ANXA10: variants seen among roughly 807,000 people sequenced by gnomAD.
The protein encoded by ANXA10 is annexin A10.
ANXA10 carries 49 observed loss-of-function variants against 53.5 expected under a neutral mutation model. That is an observed-to-expected ratio of 0.92 (90% CI 0.73 to 1.16). The LOEUF (loss-of-function observed/expected upper bound fraction) is 1.16, where lower values mean the gene tolerates loss of function less well. ANXA10 is among the 50% of genes most tolerant of loss of function. ANXA10 has a pLI of 0.00. For synonymous variants in ANXA10, 131 were observed against 128.9 expected (o/e 1.02, Z -0.11); for missense variants, 393 against 394.4 (o/e 1.00, Z 0.03).
intron 1 of ANXA10, among the ~76,000 whole-genome samples, chr4:168,099,604 C>T (rs1377112848): frequency 6.6e-6 from 1 of 151,924 alleles, no homozygotes; most frequent in Non-Finnish European, 1.5e-5. Flanking sequence ...AACTTAACGA[C>T]CAGAAGAAAC....
Position 168,134,699 on chromosome 4 carries a change from C to T in ANXA10, c.101-4787C>T, listed in dbSNP as rs148488085. Among the ~76,000 whole-genome samples, 354 of 152,242 alleles carry T rather than the reference C, an allele frequency of 2.3e-3. 2 individuals are homozygous for T. Among genetic ancestry groups the T allele is most frequent in the African/African-American group, 8.1e-3 (335 of 41,568 alleles). On this transcript the variant is annotated intron_variant, in intron 2 of 11. Coordinates refer to ENST00000359299, the MANE Select transcript of ANXA10 (RefSeq NM_007193.5). ...GGCTTGAGCCAGACATCATCTTTCT[C>T]TATGCCTTTTCAGTGGAGTCTGCCT... is the stretch of plus-strand genomic sequence containing the variant.
chr4:168,137,734 T>A (rs1251845258), intron 2 of ANXA10, among the ~76,000 whole-genome samples: 1 of 152,198 alleles, frequency 6.6e-6, no homozygotes. Flanking sequence ...TGAATGGTAA[T>A]GCAATAAACA....
At chr4:168,153,459 C>CA (rs200411170) in intron 3 of ANXA10, among the ~76,000 whole-genome samples, 2,143 of 36,740 alleles carry the variant, frequency 0.058, 98 homozygotes, top group African/African-American at 0.17. Context: ...AAAAACAAAA[C>CA]AAAAAAAAAA....
chr4:168,181,285 G>A (rs1350101777), intron 9 of ANXA10, among the ~76,000 whole-genome samples: 1 of 151,718 alleles, frequency 6.6e-6, no homozygotes, highest in African/African-American at 2.4e-5. Flanking sequence ...CAGCTACTCG[G>A]GAGGCTGAGG....
At chr4:168,101,429 A>T (rs1333310284) in intron 1 of ANXA10, among the ~76,000 whole-genome samples, 1 of 147,498 alleles carries the variant, frequency 6.8e-6, no homozygotes, top group Admixed American at 6.8e-5. Flanking sequence ...GCTAGTGGCC[A>T]TTGGGAACAC....
chr4:168,155,711 A>ATAATATAAT (rs1731613857), intron 3 of ANXA10, among the ~76,000 whole-genome samples: 1 of 30,252 alleles, frequency 3.3e-5, no homozygotes. Context: ...ATAAATATAT[A>ATAATATAAT]ATATTATATA....
intron 1 of ANXA10, among the ~76,000 whole-genome samples, chr4:168,123,283 C>CA (rs3065109): frequency 0.16 from 23,801 of 151,426 alleles, 4,033 homozygotes; most frequent in African/African-American, 0.43. Flanking sequence ...AATGGAAAAA[C>CA]AAAAAAAACC....
rs535203662 is a variant in ANXA10 at position 168,149,693 on chromosome 4, G to A, written c.195+10113G>A. 6.6e-5 allele frequency among the ~76,000 whole-genome samples: 10 copies of A among 152,242 alleles called. No homozygotes were observed. The South Asian group carries it at 2.1e-3, about 32-fold the overall frequency. ...CTAGTTTGAGATCAGCTTTCATGAT[G>A]ATTTCTCTTCATGGAGGTCTCAGTT... On this transcript the variant is annotated intron_variant, in intron 3 of 11. Coordinates refer to ENST00000359299, the MANE Select transcript of ANXA10 (RefSeq NM_007193.5).
At chr4:168,162,394 T>G in intron 3 of ANXA10, 134 bp from the exon 4 acceptor site, 2 of 677,780 alleles carry the variant, frequency 3.0e-6, no homozygotes, top group Non-Finnish European at 5.2e-6. Context: ...TACATATACA[T>G]GTGAATCAGA....
chr4:168,159,577 T>A (rs1731746081), intron 3 of ANXA10, among the ~76,000 whole-genome samples: 1 of 152,220 alleles, frequency 6.6e-6, no homozygotes, highest in Non-Finnish European at 1.5e-5. Flanking sequence ...CATTGGGAAA[T>A]CTAAATTTTC....
intron 2 of ANXA10, among the ~76,000 whole-genome samples, chr4:168,133,698 T>C (rs1232476910): frequency 2.0e-5 from 3 of 152,076 alleles, no homozygotes; most frequent in Non-Finnish European, 4.4e-5. Flanking sequence ...ACAAAAAATA[T>C]TGTAACCACA....
At chr4:168,121,459 G>A (rs1348332368) in intron 1 of ANXA10, among the ~76,000 whole-genome samples, 2 of 152,012 alleles carry the variant, frequency 1.3e-5, no homozygotes, top group East Asian at 1.9e-4. Context: ...TTTGAATCTA[G>A]GAAAGTTAAA....
At chr4:168,132,799 T>C (rs1731175527) in intron 2 of ANXA10, among the ~76,000 whole-genome samples, 2 of 152,072 alleles carry the variant, frequency 1.3e-5, no homozygotes, top group Admixed American at 6.6e-5. Flanking sequence ...AAGGAATAAT[T>C]TTAAATTTTA....
chr4:168,124,963 A>G (rs1444575138), intron 1 of ANXA10, among the ~76,000 whole-genome samples: 2 of 152,204 alleles, frequency 1.3e-5, no homozygotes, highest in Non-Finnish European at 2.9e-5. Flanking sequence ...AAGAAGGCAA[A>G]TTACATGAAA....
chr4:168,100,757 A>G (rs149378889), intron 1 of ANXA10, among the ~76,000 whole-genome samples: 1 of 152,234 alleles, frequency 6.6e-6, no homozygotes, highest in East Asian at 1.9e-4. Context: ...ACCTAAAAAT[A>G]CTATGTTTAA....
intron 1 of ANXA10, among the ~76,000 whole-genome samples, chr4:168,098,159 T>A (rs951387552): frequency 3.3e-5 from 5 of 152,066 alleles, no homozygotes; most frequent in Admixed American, 3.3e-4. Context: ...TTCTTTTTTT[T>A]ATTTTTCCTA....
At chr4:168,148,962 T>C (rs1731450271) in intron 3 of ANXA10, among the ~76,000 whole-genome samples, 1 of 152,174 alleles carries the variant, frequency 6.6e-6, no homozygotes, top group Non-Finnish European at 1.5e-5. Context: ...AACTTCAGTT[T>C]TGTTTTTTGT....
intron 6 of ANXA10, among the ~76,000 whole-genome samples, chr4:168,174,346 G>A (rs1732076204): frequency 6.6e-6 from 1 of 152,178 alleles, no homozygotes; most frequent in South Asian, 2.1e-4. Context: ...TGTCCCCTTT[G>A]TCTGGACATT....
intron 3 of ANXA10, among the ~76,000 whole-genome samples, chr4:168,145,238 C>T (rs1731388480): frequency 6.6e-6 from 1 of 152,130 alleles, no homozygotes; most frequent in South Asian, 2.1e-4. Context: ...AGTATTGCTT[C>T]CCGGCCTTTT....
Sources: allele counts gnomAD v4.1 joint callset (sites outside exome capture counted in the v4.1 genomes callset), GRCh38; gene constraint gnomAD v4.1.1; transcripts MANE v1.5; gene names NCBI Gene and HGNC (gene_info 2026-07-23, HGNC 2026-07-21).